Variants in SVOPL observed in about 807,000 individuals in gnomAD.
SVOPL encodes the protein SVOP like, also known as putative transporter SVOPL.
Under a neutral mutation model 61.0 loss-of-function variants are expected in SVOPL, and 60 were observed. The ratio of observed to expected loss-of-function variants is 0.98; its 90% CI spans 0.80 to 1.22. The LOEUF (loss-of-function observed/expected upper bound fraction) is 1.22. Ranked by LOEUF, SVOPL falls within the 50% of genes most tolerant of loss-of-function variation. The pLI is 0.00. For synonymous variants in SVOPL, 279 were observed against 250.0 expected, an observed-to-expected ratio of 1.12 and a Z score of -1.09; for missense variants, 662 against 643.9, an observed-to-expected ratio of 1.03 and a Z score of -0.30.
intron 9 of SVOPL, among the ~76,000 whole-genome samples, chr7:138,634,891 G>A (rs1337583500): frequency 6.7e-6 from 1 of 149,864 alleles, no homozygotes; most frequent in African/African-American, 2.5e-5. Context: ...TTGAGCCCAG[G>A]AGGTCAAGGC....
intron 1 of SVOPL, among the ~76,000 whole-genome samples, chr7:138,693,565 G>GAAAGAAAGAA (rs1802997085): frequency 1.0e-5 from 1 of 95,374 alleles, no homozygotes; most frequent in African/African-American, 6.0e-5. Context: ...AAGAAAGAAA[G>GAAAGAAAGAA]AAAGAAAGAA....
At chr7:138,635,270 CAA>C (rs112228411) in intron 9 of SVOPL, among the ~76,000 whole-genome samples, 223 of 138,244 alleles carry the variant, frequency 1.6e-3, no homozygotes, top group Admixed American at 4.3e-3. Flanking sequence ...AAAACTGTCT[CAA>C]AAAAAAAAAA....
intron 3 of SVOPL, among the ~76,000 whole-genome samples, chr7:138,675,728 CCCT>C (rs1802543359): frequency 1.3e-5 from 2 of 152,104 alleles, no homozygotes; most frequent in African/African-American, 4.8e-5. Context: ...TCACTTACCT[CCCT>C]CCTATGTATT....
At chr7:138,695,333 A>G (rs1051067312) in intron 1 of SVOPL, among the ~76,000 whole-genome samples, 7 of 152,076 alleles carry the variant, frequency 4.6e-5, no homozygotes, top group African/African-American at 1.7e-4. Context: ...GCAACATGGC[A>G]AAACCCCATC....
intron 8 of SVOPL, 95 bp from the exon 9 acceptor site, chr7:138,644,940 C>A: frequency 6.7e-7 from 1 of 1,483,048 alleles, no homozygotes; most frequent in Non-Finnish European, 9.2e-7. Context: ...CCTAGTTTCC[C>A]AAGATAGGAA....
chr7:138,659,840 G>T, intron 6 of SVOPL, 24 bp downstream of exon 6: 2 of 1,550,614 alleles, frequency 1.3e-6, no homozygotes, highest in Non-Finnish European at 1.7e-6. Flanking sequence ...TTCTGTCTCA[G>T]GGTCCCCTGG....
chr7:138,633,428 G>A (rs1299393569), intron 9 of SVOPL, among the ~76,000 whole-genome samples: 1 of 152,096 alleles, frequency 6.6e-6, no homozygotes, highest in Non-Finnish European at 1.5e-5. Flanking sequence ...TGGTTTAAAA[G>A]AGCCTCGCAC....
In SVOPL at chr7:138,678,492, T is replaced by G; in HGVS notation, c.116A>C (p.Glu39Ala). Residue 39 changes from glutamate to alanine, a missense_variant, in exon 3 of 16, where the codon GAG (glutamate) becomes GCG (alanine). Coordinates refer to ENST00000674285, the MANE Select transcript of SVOPL (RefSeq NM_001139456.2). ...GTGGAAACGCCCGAAGCCGATAGTC[T>G]CCACTGCATCTTCCACGGTGAACGT... Reference protein sequence around the residue: ...PKTFTVEDAVETIGFGRFHIA... With the variant: ...PKTFTVEDAVATIGFGRFHIA... The G allele has an allele frequency of 1.3e-6, 2 of 1,552,140 alleles. No homozygotes were observed. Among genetic ancestry groups the G allele is most frequent in the East Asian group, 2.4e-5 (1 of 40,920 alleles).
rs779431150 is a variant in SVOPL at position 138,656,518 on chromosome 7, A to G, written c.471-7T>C. 8.7e-6 allele frequency: 14 copies of G among 1,613,450 alleles called. No individual in the cohort carries two copies. The Admixed American group carries it at 2.0e-4, about 23-fold the overall frequency. ...TTCAGTCTTTATGATTAACCTAAAC[A>G]GGAAGCAGGAAAAAGCATAATTTTG... is the stretch of plus-strand genomic sequence containing the variant. On this transcript the variant is annotated splice_region_variant and splice_polypyrimidine_tract_variant and intron_variant, in intron 6 of 15. Coordinates refer to ENST00000674285, the MANE Select transcript of SVOPL (RefSeq NM_001139456.2).
intron 9 of SVOPL, among the ~76,000 whole-genome samples, chr7:138,642,283 T>A (rs1179635212): frequency 3.1e-4 from 17 of 54,402 alleles, no homozygotes; most frequent in Admixed American, 7.1e-4. Context: ...AAACGGAAAT[T>A]AGCCAAAAAA....
intron 5 of SVOPL, 44 bp from the exon 6 acceptor site, chr7:138,660,032 G>C (rs184733768): frequency 3.2e-6 from 5 of 1,546,738 alleles, no homozygotes; most frequent in Non-Finnish European, 4.4e-6. Context: ...GCCTCAATGC[G>C]GGGAGGGAAG....
chr7:138,661,283 GTAGC>G (rs1206983396), intron 5 of SVOPL: 1 of 985,294 alleles, frequency 1.0e-6, no homozygotes, highest in Non-Finnish European at 1.2e-6. Flanking sequence ...CTTTGAGCAC[GTAGC>G]TAGTTTCAAA....
At chr7:138,678,559 T>G (rs1802628891) in intron 2 of SVOPL, 34 bp from the exon 3 acceptor site, 4 of 1,548,694 alleles carry the variant, frequency 2.6e-6, no homozygotes, top group Non-Finnish European at 3.5e-6. Flanking sequence ...AAAAATTGCT[T>G]CTGCAGGGAA....
chr7:138,678,578 G>A (rs903585427), intron 2 of SVOPL, 53 bp from the exon 3 acceptor site: 47 of 1,510,880 alleles, frequency 3.1e-5, no homozygotes, highest in Middle Eastern at 1.8e-4. Context: ...AAGGGAATGC[G>A]TGTGGACTAT....
At chr7:138,658,443 T>G (rs992624207) in intron 6 of SVOPL, among the ~76,000 whole-genome samples, 5 of 138,634 alleles carry the variant, frequency 3.6e-5, no homozygotes, top group African/African-American at 1.2e-4. Flanking sequence ...CAAAAATTTT[T>G]GTTTGTTTGT....
intron 13 of SVOPL, among the ~76,000 whole-genome samples, chr7:138,624,096 A>T (rs1470088355): frequency 6.6e-6 from 1 of 152,194 alleles, no homozygotes; most frequent in Non-Finnish European, 1.5e-5. Flanking sequence ...CTAGGATTAC[A>T]GGCGTGAGCC....
At chr7:138,642,324 C>T (rs1290710524) in intron 9 of SVOPL, among the ~76,000 whole-genome samples, 1 of 147,304 alleles carries the variant, frequency 6.8e-6, no homozygotes, top group Non-Finnish European at 1.5e-5. Context: ...AGAGAATGGA[C>T]CCCGCCCCCG....
intron 7 of SVOPL, among the ~76,000 whole-genome samples, chr7:138,654,822 T>C (rs899613826): frequency 1.1e-4 from 17 of 149,992 alleles, no homozygotes; most frequent in Non-Finnish European, 2.1e-4. Flanking sequence ...AGACCACATC[T>C]CCACACAACA....
chr7:138,690,015 T>G (rs1421827329), intron 1 of SVOPL, among the ~76,000 whole-genome samples: 1 of 151,918 alleles, frequency 6.6e-6, no homozygotes. Context: ...GATGCATCTA[T>G]AAGCCAAGGA....
Sources: allele counts gnomAD v4.1 joint callset (sites outside exome capture counted in the v4.1 genomes callset), GRCh38; gene constraint gnomAD v4.1.1; transcripts MANE v1.5; gene names NCBI Gene and HGNC (gene_info 2026-07-23, HGNC 2026-07-21).